PDSS2: variants seen among roughly 807,000 people sequenced by gnomAD.
PDSS2 encodes decaprenyl diphosphate synthase subunit 2, also known as all trans-polyprenyl-diphosphate synthase PDSS2.
Under a neutral mutation model 44.5 loss-of-function variants are expected in PDSS2, and 31 were observed. The observed-to-expected ratio is 0.70, with a 90% CI of 0.52 to 0.94. The LOEUF is 0.94. PDSS2 is among the 40% of genes least tolerant of loss of function. The pLI is 0.00. For missense variants in PDSS2, 452 were observed against 482.2 expected, an observed-to-expected ratio of 0.94 and a Z score of 0.59; for synonymous variants, 157 against 180.3, an observed-to-expected ratio of 0.87 and a Z score of 1.03.
chr6:107,382,188 C>T (rs1303987563), intron 1 of PDSS2, among the ~76,000 whole-genome samples: 1 of 152,112 alleles, frequency 6.6e-6, no homozygotes, highest in African/African-American at 2.4e-5. Flanking sequence ...CTGTTATATC[C>T]CCTACACCTT....
chr6:107,320,818 A>G (rs1777358089), intron 2 of PDSS2, among the ~76,000 whole-genome samples: 1 of 152,182 alleles, frequency 6.6e-6, no homozygotes. Context: ...TCAAAGAAAA[A>G]GTTTATAACC....
intron 2 of PDSS2, among the ~76,000 whole-genome samples, chr6:107,323,895 G>A (rs1011078111): frequency 6.6e-6 from 1 of 152,094 alleles, no homozygotes; most frequent in Admixed American, 6.5e-5. Context: ...GATTAGGCAG[G>A]CTAATCTATA....
intron 3 of PDSS2, among the ~76,000 whole-genome samples, chr6:107,267,858 A>G (rs1775462397): frequency 6.6e-6 from 1 of 151,812 alleles, no homozygotes; most frequent in South Asian, 2.1e-4. Flanking sequence ...CTCCCAAAGT[A>G]CTGGGATGAT....
chr6:107,174,374 C>A (rs991326371), intron 7 of PDSS2, among the ~76,000 whole-genome samples: 5 of 152,152 alleles, frequency 3.3e-5, no homozygotes, highest in Non-Finnish European at 1.5e-5. Flanking sequence ...AGTTGTCTAA[C>A]AACAGAATGA....
At chr6:107,417,092 T>C (rs1480948955) in intron 1 of PDSS2, among the ~76,000 whole-genome samples, 1 of 152,052 alleles carries the variant, frequency 6.6e-6, no homozygotes, top group South Asian at 2.1e-4. Context: ...AATAAAAATT[T>C]TTTTAAAGAA....
intron 1 of PDSS2, among the ~76,000 whole-genome samples, chr6:107,440,478 TG>T (rs1452687594): frequency 1.3e-5 from 2 of 152,238 alleles, no homozygotes; most frequent in Admixed American, 6.5e-5. Context: ...TAGGATCTAT[TG>T]CTATAGAACA....
At chr6:107,329,057 G>A (rs1169814935) in intron 2 of PDSS2, among the ~76,000 whole-genome samples, 1 of 152,080 alleles carries the variant, frequency 6.6e-6, no homozygotes, top group Non-Finnish European at 1.5e-5. Context: ...CTAATTCCCT[G>A]GCTGACTCTC....
In PDSS2 at chr6:107,329,754, C is replaced by T. The variant is rs183529849; in HGVS notation, c.431+4444G>A. ...TCTCTTTTCCATAAATTCATACAAT[C>T]ATGTAACAGTTATGTACTGAGTGCC... On this transcript the variant is annotated intron_variant, in intron 2 of 7. Transcript: ENST00000369037. Among the ~76,000 whole-genome samples the T allele has an allele frequency of 2.2e-4, 34 of 152,254 alleles. No individual in the cohort carries two copies. In the East Asian group the frequency reaches 6.4e-3, roughly 29 times the overall value.
intron 1 of PDSS2, among the ~76,000 whole-genome samples, chr6:107,398,919 C>T (rs1050818619): frequency 2.6e-5 from 4 of 152,174 alleles, no homozygotes; most frequent in Non-Finnish European, 5.9e-5. Flanking sequence ...CTCTTTTCTT[C>T]CACAGCTCCC....
chr6:107,399,703 A>C (rs1780050128), intron 1 of PDSS2, among the ~76,000 whole-genome samples: 1 of 152,200 alleles, frequency 6.6e-6, no homozygotes, highest in South Asian at 2.1e-4. Context: ...TTTTATGAAA[A>C]AATGATAATA....
intron 1 of PDSS2, among the ~76,000 whole-genome samples, chr6:107,457,164 G>A (rs539421441): frequency 1.3e-5 from 2 of 152,154 alleles, no homozygotes; most frequent in South Asian, 2.1e-4. Flanking sequence ...CAGGTGCCTC[G>A]AAAAATTAAA....
chr6:107,324,559 T>C (rs1490773346), intron 2 of PDSS2, among the ~76,000 whole-genome samples: 1 of 152,158 alleles, frequency 6.6e-6, no homozygotes, highest in Non-Finnish European at 1.5e-5. Context: ...AAGTCACCTT[T>C]AGACCATTCC....
At chr6:107,281,064 A>G (rs1775946376) in intron 2 of PDSS2, among the ~76,000 whole-genome samples, 2 of 152,186 alleles carry the variant, frequency 1.3e-5, no homozygotes. Context: ...TCCTGATATA[A>G]GGGAACAGAT....
At chr6:107,396,678 CTTTTTT>C (rs950671310) in intron 1 of PDSS2, among the ~76,000 whole-genome samples, 12 of 79,356 alleles carry the variant, frequency 1.5e-4, no homozygotes, top group African/African-American at 2.2e-4. Context: ...CTTCTTTTTT[CTTTTTT>C]TTTTTTTTTT....
At chr6:107,401,206 C>T (rs144593596) in intron 1 of PDSS2, among the ~76,000 whole-genome samples, 220 of 152,266 alleles carry the variant, frequency 1.4e-3, no homozygotes, top group African/African-American at 5.0e-3. Context: ...TTTACTATTA[C>T]CATTACCCAC....
chr6:107,200,170 C>G (rs1772719595), intron 6 of PDSS2, among the ~76,000 whole-genome samples: 1 of 152,166 alleles, frequency 6.6e-6, no homozygotes, highest in South Asian at 2.1e-4. Flanking sequence ...AAGGCCTTGT[C>G]TACTGATTAC....
chr6:107,253,437 C>T (rs2114841893), intron 3 of PDSS2, among the ~76,000 whole-genome samples: 1 of 152,240 alleles, frequency 6.6e-6, no homozygotes, highest in African/African-American at 2.4e-5. Context: ...TATAGTTGTT[C>T]TTTTTAAAGG....
At chr6:107,416,843 T>C (rs2114679926) in intron 1 of PDSS2, among the ~76,000 whole-genome samples, 1 of 152,162 alleles carries the variant, frequency 6.6e-6, no homozygotes, top group East Asian at 1.9e-4. Flanking sequence ...CCACAGACCT[T>C]TATTAGGTAG....
chr6:107,402,095 A>G (rs1428184780), intron 1 of PDSS2, among the ~76,000 whole-genome samples: 2 of 152,122 alleles, frequency 1.3e-5, no homozygotes, highest in Non-Finnish European at 2.9e-5. Context: ...TCTGGTCAAC[A>G]TGATGAAACC....
Sources: allele counts gnomAD v4.1 joint callset (sites outside exome capture counted in the v4.1 genomes callset), GRCh38; gene constraint gnomAD v4.1.1; transcripts MANE v1.5; gene names NCBI Gene and HGNC (gene_info 2026-07-23, HGNC 2026-07-21).